The following LIMCH1 variants were observed in gnomAD, a reference collection of about 807,000 sequenced individuals.
LIMCH1 encodes the protein LIM and calponin homology domains-containing protein 1.
LIMCH1 carries 113 observed loss-of-function variants against 176.5 expected under a neutral mutation model. The ratio of observed to expected loss-of-function variants is 0.64; its 90% CI spans 0.55 to 0.75. The LOEUF is 0.75. Among genes scored for constraint, LIMCH1 ranks in the 30% least tolerant of loss-of-function variants. The probability of loss-of-function intolerance (pLI) is 0.00; values close to 1 mark genes in which losing one functional copy is unlikely to be tolerated. For synonymous variants in LIMCH1, 619 were observed against 645.9 expected (o/e 0.96, Z 0.63); for missense variants, 1,674 against 1,814.9 (o/e 0.92, Z 1.41).
intron 17 of LIMCH1, among the ~76,000 whole-genome samples, chr4:41,648,658 G>GGTGTGTAT (rs1554153125): frequency 2.2e-5 from 3 of 135,334 alleles, no homozygotes; most frequent in African/African-American, 8.4e-5. Flanking sequence ...AAGGGGTAGG[G>GGTGTGTAT]GTGTGTGTGT....
At chr4:41,382,920 A>G (rs767611871) in intron 1 of LIMCH1, among the ~76,000 whole-genome samples, 33 of 152,118 alleles carry the variant, frequency 2.2e-4, no homozygotes, top group Non-Finnish European at 4.1e-4. Context: ...CCACCCAAGT[A>G]GCTGGGACTA....
chr4:41,625,630 A>G (rs1447317862), intron 7 of LIMCH1, among the ~76,000 whole-genome samples: 1 of 152,036 alleles, frequency 6.6e-6, no homozygotes, highest in Non-Finnish European at 1.5e-5. Context: ...GCTCTTTTTT[A>G]TATATTTTTT....
At chr4:41,592,605 A>G (rs1239196112) in intron 1 of LIMCH1, among the ~76,000 whole-genome samples, 1 of 152,134 alleles carries the variant, frequency 6.6e-6, no homozygotes, top group Non-Finnish European at 1.5e-5. Context: ...AGAATGTCTT[A>G]ATAATAACTC....
intron 14 of LIMCH1, among the ~76,000 whole-genome samples, chr4:41,642,041 TG>T (rs1196886940): frequency 6.6e-6 from 1 of 152,178 alleles, no homozygotes; most frequent in Non-Finnish European, 1.5e-5. Flanking sequence ...TCCCAGATCC[TG>T]GAGAAGGCTG....
intron 1 of LIMCH1, among the ~76,000 whole-genome samples, chr4:41,361,556 C>T (rs970723896): frequency 3.9e-5 from 6 of 152,186 alleles, no homozygotes; most frequent in African/African-American, 1.4e-4. Flanking sequence ...GCTGCCCAGC[C>T]TTTGGCAACC....
At chr4:41,480,563 C>A (rs1479730849) in intron 1 of LIMCH1, among the ~76,000 whole-genome samples, 1 of 152,102 alleles carries the variant, frequency 6.6e-6, no homozygotes, top group Non-Finnish European at 1.5e-5. Context: ...GCTGAGATTG[C>A]GCCTCTGCAC....
intron 5 of LIMCH1, 37 bp from the exon 6 acceptor site, chr4:41,619,151 T>C: frequency 6.2e-7 from 1 of 1,606,080 alleles, no homozygotes; most frequent in Non-Finnish European, 8.5e-7. Flanking sequence ...TCTGCTAGCC[T>C]AACACACTTT....
At chr4:41,582,315 G>C (rs2085638264) in intron 1 of LIMCH1, among the ~76,000 whole-genome samples, 1 of 152,150 alleles carries the variant, frequency 6.6e-6, no homozygotes, top group African/African-American at 2.4e-5. Flanking sequence ...GGCACACATG[G>C]AAAACTAGAT....
chr4:41,552,605 A>C (rs1424713838), intron 1 of LIMCH1, among the ~76,000 whole-genome samples: 3 of 152,174 alleles, frequency 2.0e-5, no homozygotes, highest in Non-Finnish European at 4.4e-5. Flanking sequence ...ATAAACATGG[A>C]TATTTAAAAA....
At chr4:41,427,280 ACTT>A (rs1034338404) in intron 1 of LIMCH1, among the ~76,000 whole-genome samples, 12 of 151,958 alleles carry the variant, frequency 7.9e-5, no homozygotes, top group African/African-American at 2.7e-4. Context: ...TGAACTACTC[ACTT>A]CTTCTGACTC....
chr4:41,520,251 C>T (rs921947319), intron 2 of LIMCH1, among the ~76,000 whole-genome samples: 59 of 152,140 alleles, frequency 3.9e-4, no homozygotes, highest in Admixed American at 1.2e-3. Context: ...CTTCTACTCA[C>T]TCTCCTCAGC....
At chr4:41,640,896 C>T (rs529331181) in intron 14 of LIMCH1, among the ~76,000 whole-genome samples, 1 of 152,172 alleles carries the variant, frequency 6.6e-6, no homozygotes, top group Non-Finnish European at 1.5e-5. Flanking sequence ...CACCTCCTAA[C>T]CAGCCAAGAA....
Position 41,555,231 on chromosome 4 carries a change from G to A in LIMCH1, c.-241+16881G>A, listed in dbSNP as rs74703733. Among the ~76,000 whole-genome samples, 1,512 of 152,340 alleles carry A rather than the reference G, an allele frequency of 9.9e-3. 15 individuals carry two copies. The highest frequency in any genetic ancestry group is 0.032 in the African/African-American group (1,334 of 41,576). ...AGGGTGGTGTTGATTTAGCAAGCGT[G>A]TCCTACTGTTTTCATGGAAAGTTCA... is the stretch of plus-strand genomic sequence containing the variant. On this transcript the variant is annotated intron_variant, in intron 1 of 31. Transcript: ENST00000503057.
At chr4:41,546,323 G>C in intron 1 of LIMCH1, among the ~76,000 whole-genome samples, 1 of 151,976 alleles carries the variant, frequency 6.6e-6, no homozygotes. Context: ...AATTTTCATA[G>C]AGATGGGGTT....
chr4:41,551,654 G>A (rs1000426967), intron 1 of LIMCH1, among the ~76,000 whole-genome samples: 2 of 152,050 alleles, frequency 1.3e-5, no homozygotes, highest in Admixed American at 1.3e-4. Flanking sequence ...TCTTTAAATG[G>A]TTGGAAAAAA....
chr4:41,604,708 A>G (rs1313961619), intron 3 of LIMCH1, among the ~76,000 whole-genome samples: 3 of 152,130 alleles, frequency 2.0e-5, no homozygotes, highest in Admixed American at 6.6e-5. Flanking sequence ...CTCAGCACAC[A>G]TTAGTTATTT....
chr4:41,575,398 A>AT (rs1284399766), intron 1 of LIMCH1, among the ~76,000 whole-genome samples: 1 of 152,144 alleles, frequency 6.6e-6, no homozygotes, highest in African/African-American at 2.4e-5. Context: ...TACAAGTTTG[A>AT]ATTTTTTTAA....
In LIMCH1 at chr4:41,646,238, G is replaced by T. The variant is rs551919257; in HGVS notation, c.2369G>T (p.Arg790Leu). 46 of 1,612,694 alleles carry T rather than the reference G, an allele frequency of 2.9e-5. No homozygotes were observed. The highest frequency in any genetic ancestry group is 3.8e-5 in the Non-Finnish European group (45 of 1,179,786). ...GCTGGAGAAGATGGGACAAGTGAAC[G>T]AAGGAAAAGCATCAAAACCTACAGA... ...LLAGEDGTSE[R>L]RKSIKTYREI... Residue 790 changes from arginine (R) to leucine (L), a missense_variant, in exon 16 of 32, where the codon CGA (arginine) becomes CTA (leucine). By Grantham distance (102) the Arg-to-Leu change is moderately radical (BLOSUM62 -2). This residue lies in a region of LIMCH1 where 1,015 missense variants were observed against 1,102.5 expected (regional missense o/e 0.92). Transcript: ENST00000503057.
chr4:41,615,528 G>A (rs557858941), intron 5 of LIMCH1, among the ~76,000 whole-genome samples: 22 of 152,180 alleles, frequency 1.4e-4, no homozygotes, highest in Admixed American at 1.1e-3. Flanking sequence ...CAATCAACCC[G>A]ATACCTTAAG....
Sources: allele counts gnomAD v4.1 joint callset (sites outside exome capture counted in the v4.1 genomes callset), GRCh38; gene constraint gnomAD v4.1.1; regional missense constraint gnomAD v4.1.1; transcripts MANE v1.5; gene names NCBI Gene and HGNC (gene_info 2026-07-23, HGNC 2026-07-21).